Variants in FAM219B observed in about 807,000 individuals in gnomAD.
FAM219B encodes the protein protein FAM219B.
A neutral mutation model predicts 19.9 loss-of-function variants in FAM219B; 18 were observed. The observed-to-expected ratio is 0.91, with a 90% CI of 0.63 to 1.34. FAM219B has a LOEUF of 1.34. FAM219B is among the 40% of genes most tolerant of loss of function. The pLI is 0.00. For missense variants in FAM219B, 283 were observed against 270.5 expected (o/e 1.05, Z -0.32); for synonymous variants, 123 against 117.5 (o/e 1.05, Z -0.30).
chr15:74,906,113 G>C, intron 2 of FAM219B, 165 bp downstream of exon 2: 1 of 711,620 alleles, frequency 1.4e-6, no homozygotes, highest in African/African-American at 1.8e-5. Context: ...CATCCTTAAA[G>C]GAAAAGAGAG....
At chr15:74,905,382 C>A in intron 2 of FAM219B, 151 bp from the exon 3 acceptor site, 1 of 677,758 alleles carries the variant, frequency 1.5e-6, no homozygotes, top group South Asian at 1.6e-5. Context: ...CCTGCAGCTC[C>A]ATGTACCTGG....
At chr15:74,898,243 A>ATAC, downstream of FAM219B, 1 of 232,960 alleles carries the variant, frequency 4.3e-6, no homozygotes, top group Non-Finnish European at 8.7e-6. Context: ...TGGGGTAATG[A>ATAC]GCACTCAGCC....
chr15:74,898,380 TG>T (rs1367039746), downstream of FAM219B: 2 of 171,472 alleles, frequency 1.2e-5, no homozygotes, highest in Non-Finnish European at 2.6e-5. Context: ...AACACCGGTA[TG>T]GGAAGGAGTG....
chr15:74,898,428 T>C (rs992126747), downstream of FAM219B: 3 of 167,618 alleles, frequency 1.8e-5, no homozygotes, highest in African/African-American at 4.8e-5. Flanking sequence ...AGGCACAGCT[T>C]GCAAGCAGGC....
chr15:74,904,057 A>T (rs1397359876), intron 4 of FAM219B, among the ~76,000 whole-genome samples: 2 of 152,220 alleles, frequency 1.3e-5, no homozygotes, highest in Admixed American at 6.5e-5. Context: ...TTGCTGTGTG[A>T]CACTGGAAAG....
intron 2 of FAM219B, 76 bp from the exon 3 acceptor site, chr15:74,905,307 G>C (rs370420630): frequency 1.4e-6 from 2 of 1,429,780 alleles, no homozygotes; most frequent in Non-Finnish European, 2.0e-6. Context: ...CAGAGTCCTC[G>C]CCCTGAAGGA....
At chr15:74,898,420 G>T (rs2064855502), downstream of FAM219B, 1 of 167,034 alleles carries the variant, frequency 6.0e-6, no homozygotes, top group Non-Finnish European at 1.3e-5. Flanking sequence ...GGCCTCACAG[G>T]CACAGCTTGC....
chr15:74,899,340 A>T (rs1244759768), downstream of FAM219B: 1 of 152,194 alleles, frequency 6.6e-6, no homozygotes, highest in Non-Finnish European at 1.5e-5. Context: ...TAGAGTCCCT[A>T]TACAATGGAG....
rs2064889786 is a variant in FAM219B, at chr15:74,900,102, A to G, written c.*2517T>C. 1.3e-5 allele frequency: 2 copies of G among 152,304 alleles called. No homozygotes were observed. The highest frequency in any genetic ancestry group is 2.9e-5 in the Non-Finnish European group (2 of 68,120). The allele number at this position is 152,304 out of a possible 1,614,324, so 9.4% of individuals were successfully genotyped here. A position where few individuals can be genotyped will look rare whatever the true frequency, so the allele number is the denominator to read the frequency against. On this transcript the variant is annotated 3_prime_UTR_variant, in exon 5 of 5. Coordinates refer to ENST00000357635, the MANE Select transcript of FAM219B (RefSeq NM_020447.5). Reference sequence around the variant, plus strand: ...ATGGTACCACTCCTGCTGGGAGGTAAGCCTGGATACACCCCTCTCCTCAGG... The same window carrying G: ...ATGGTACCACTCCTGCTGGGAGGTAGGCCTGGATACACCCCTCTCCTCAGG...
chr15:74,904,749 C>T, intron 3 of FAM219B, 37 bp from the exon 4 acceptor site: 2 of 1,613,248 alleles, frequency 1.2e-6, no homozygotes, highest in Non-Finnish European at 1.7e-6. Flanking sequence ...CCGGGAGGTA[C>T]CTGTGGTGCA....
In FAM219B at chr15:74,902,667, G is replaced by A. The variant is rs751262439; in HGVS notation, c.549C>T (p.Ser183=). The part of the protein sequence containing the change: ...PPKPMASSTC[S]CCWCCLGDSS... ...AGTCCCCAAGACAGCACCAGCAGCA[G>A]GAGCATGTTGAAGAGGCCATGGGCT... The change falls in exon 5 of 5, where the codon TCC becomes TCT. Residue 183 remains serine, a synonymous_variant. Transcript: ENST00000357635. The A allele has an allele frequency of 7.4e-6, 12 of 1,613,216 alleles. No homozygotes were observed. The South Asian group carries it at 1.2e-4, about 16-fold the overall frequency.
At chr15:74,904,558 A>G (rs962953842) in intron 4 of FAM219B, 106 bp downstream of exon 4, 12 of 1,339,202 alleles carry the variant, frequency 9.0e-6, no homozygotes, top group Admixed American at 3.4e-5. Flanking sequence ...ACAGACCAGA[A>G]GTCTGGCACA....
intron 2 of FAM219B, 40 bp downstream of exon 2, chr15:74,906,238 C>A: frequency 1.2e-6 from 2 of 1,602,364 alleles, no homozygotes; most frequent in South Asian, 1.1e-5. Context: ...AAAGCCTTCT[C>A]TAAAGCTGCT....
chr15:74,906,264 G>A lies in FAM219B; in HGVS notation c.302+14C>T. 2 of 1,612,082 alleles carry A rather than the reference G, an allele frequency of 1.2e-6. No individual in the cohort carries two copies. Among genetic ancestry groups the A allele is most frequent in the South Asian group, 1.1e-5 (1 of 90,668 alleles). ...TAAAGCTGCTGGCACAGAGGAGGTG[G>A]CGCCTGCTGAGACCTTTTCCCTGAA... On this transcript the variant is annotated intron_variant, in intron 2 of 4. Coordinates refer to ENST00000357635, the MANE Select transcript of FAM219B (RefSeq NM_020447.5).
chr15:74,906,497 GCCGAGGCCCAGCGGAGCTCCGGAA>G, intron 1 of FAM219B, 66 bp downstream of exon 1: 5 of 1,486,394 alleles, frequency 3.4e-6, no homozygotes, highest in Non-Finnish European at 4.5e-6. Flanking sequence ...TCCCTCCGGG[GCCGAGGCCCAGCGGAGCTCCGGAA>G]CCCGCCCTGG....
intron 4 of FAM219B, 52 bp from the exon 5 acceptor site, chr15:74,902,838 C>T (rs1195282497): frequency 1.3e-6 from 2 of 1,558,694 alleles, no homozygotes; most frequent in Non-Finnish European, 1.7e-6. Flanking sequence ...GCAGAAGTAA[C>T]TGCTACCCAA....
rs749836486 is a variant in FAM219B, at chr15:74,905,052, T to A, written c.380+102A>T. On this transcript the variant is annotated intron_variant, in intron 3 of 4. Coordinates refer to ENST00000357635, the MANE Select transcript of FAM219B (RefSeq NM_020447.5). ...GAAGAGAACGGCCCTGGAATGTACA[T>A]GAAGGGCCTTGGAGGAGACAGGGAA... The A allele has an allele frequency of 2.5e-5, 39 of 1,587,466 alleles. No individual in the cohort carries two copies. The African/African-American group carries it at 5.1e-4, about 21-fold the overall frequency.
intron 2 of FAM219B, chr15:74,905,884 A>C (rs112372323): frequency 2.5e-4 from 43 of 174,450 alleles, no homozygotes; most frequent in African/African-American, 9.3e-4. Flanking sequence ...CATCTGTAAA[A>C]GGAGGCACTG....
Position 74,902,607 on chromosome 15 carries a change from G to A in FAM219B, c.*12C>T, listed in dbSNP as rs2065007877. ...CCTCATGGTGAGCAGGGCCCACCTT[G>A]GAGGGTAATGTCTACTGGAGGGTAC... On this transcript the variant is annotated 3_prime_UTR_variant, in exon 5 of 5. Coordinates refer to ENST00000357635, the MANE Select transcript of FAM219B (RefSeq NM_020447.5). 1.9e-6 allele frequency: 3 copies of A among 1,593,288 alleles called. No individual in the cohort carries two copies. The highest frequency in any genetic ancestry group is 1.7e-6 in the Non-Finnish European group (2 of 1,168,724).
Sources: allele counts gnomAD v4.1 joint callset (sites outside exome capture counted in the v4.1 genomes callset), GRCh38; gene constraint gnomAD v4.1.1; transcripts MANE v1.5; gene names NCBI Gene and HGNC (gene_info 2026-07-23, HGNC 2026-07-21).